NRXN1: variants seen among roughly 807,000 people sequenced by gnomAD.
NRXN1 encodes the protein neurexin-1.
In NRXN1, 39 loss-of-function variants were observed where a neutral mutation model predicts 150.9. The observed-to-expected ratio is 0.26, with a 90% CI of 0.20 to 0.34. The LOEUF is 0.34. Ranked by LOEUF, NRXN1 falls within the 10% of genes least tolerant of loss-of-function variation. The probability of loss-of-function intolerance (pLI) is 1.00; values close to 1 mark genes in which losing one functional copy is unlikely to be tolerated. For missense variants in NRXN1, 1,815 were observed against 1,949.9 expected, an observed-to-expected ratio of 0.93 and a Z score of 1.30; for synonymous variants, 924 against 757.0, an observed-to-expected ratio of 1.22 and a Z score of -3.62.
chr2:50,868,187 A>ATATATATATATG (rs1445257364), intron 5 of NRXN1, among the ~76,000 whole-genome samples: 1 of 90,930 alleles, frequency 1.1e-5, no homozygotes, highest in Non-Finnish European at 2.4e-5. Flanking sequence ...ATATATATAT[A>ATATATATATATG]TGCATACACA....
intron 5 of NRXN1, among the ~76,000 whole-genome samples, chr2:50,714,444 G>A (rs183103209): frequency 6.6e-6 from 1 of 151,940 alleles, no homozygotes; most frequent in Non-Finnish European, 1.5e-5. Flanking sequence ...CCAACATCAG[G>A]GTCACAGCCA....
intron 5 of NRXN1, among the ~76,000 whole-genome samples, chr2:50,807,425 C>A (rs1667649263): frequency 1.3e-5 from 2 of 151,766 alleles, no homozygotes; most frequent in Admixed American, 6.6e-5. Flanking sequence ...TCTTTTTTTA[C>A]AATTTCATTT....
At chr2:50,433,445 C>G (rs950692882) in intron 17 of NRXN1, among the ~76,000 whole-genome samples, 1 of 151,922 alleles carries the variant, frequency 6.6e-6, no homozygotes, top group Admixed American at 6.6e-5. Flanking sequence ...ACATAAAATA[C>G]TATTTGGTAC....
At chr2:50,773,544 T>C (rs1416453252) in intron 5 of NRXN1, among the ~76,000 whole-genome samples, 1 of 152,126 alleles carries the variant, frequency 6.6e-6, no homozygotes, top group Non-Finnish European at 1.5e-5. Flanking sequence ...AGGGAATCAA[T>C]AAGAGCTGAA....
intron 18 of NRXN1, among the ~76,000 whole-genome samples, chr2:50,199,834 G>A (rs79327531): frequency 0.011 from 1,641 of 152,214 alleles, 37 homozygotes; most frequent in African/African-American, 0.038. Context: ...AAGGCTGCAT[G>A]AAATACAATT....
At chr2:50,331,089 G>A (rs2076807832) in intron 17 of NRXN1, among the ~76,000 whole-genome samples, 1 of 152,130 alleles carries the variant, frequency 6.6e-6, no homozygotes, top group African/African-American at 2.4e-5. Context: ...GACCAAGAAA[G>A]AGGCAGTTCA....
At chr2:50,228,455 T>C (rs986185704) in intron 18 of NRXN1, among the ~76,000 whole-genome samples, 6 of 149,272 alleles carry the variant, frequency 4.0e-5, no homozygotes, top group Admixed American at 1.3e-4. Context: ...GAGTGGGTGA[T>C]TGGGAGATGA....
chr2:50,658,043 T>C (rs569219515), intron 5 of NRXN1, among the ~76,000 whole-genome samples: 72 of 152,170 alleles, frequency 4.7e-4, no homozygotes, highest in African/African-American at 1.7e-3. Flanking sequence ...TCAATAAAGA[T>C]ACAAGAATAA....
At chr2:50,717,869 T>C (rs1013709014) in intron 5 of NRXN1, among the ~76,000 whole-genome samples, 4 of 152,130 alleles carry the variant, frequency 2.6e-5, no homozygotes, top group Admixed American at 2.0e-4. Context: ...GACTCTTTTG[T>C]AAGGGAATCA....
intron 1 of NRXN1, among the ~76,000 whole-genome samples, chr2:51,031,250 C>T (rs966603770): frequency 3.3e-5 from 5 of 152,112 alleles, no homozygotes; most frequent in African/African-American, 1.2e-4. Flanking sequence ...CTTACTGCAG[C>T]CAAAAGAAGA....
chr2:50,102,436 T>C (rs577128028), intron 18 of NRXN1, among the ~76,000 whole-genome samples: 1 of 152,036 alleles, frequency 6.6e-6, no homozygotes, highest in Non-Finnish European at 1.5e-5. Context: ...CCATAACACA[T>C]GAAGTTCAGT....
intron 2 of NRXN1, among the ~76,000 whole-genome samples, chr2:50,975,676 G>A (rs1416593772): frequency 1.3e-5 from 2 of 151,970 alleles, no homozygotes; most frequent in African/African-American, 4.8e-5. Context: ...TTCTTTGCTT[G>A]CCCTGCGTCC....
At chr2:50,567,418 G>T (rs988861933) in intron 8 of NRXN1, among the ~76,000 whole-genome samples, 4 of 152,086 alleles carry the variant, frequency 2.6e-5, no homozygotes, top group Non-Finnish European at 5.9e-5. Flanking sequence ...GCCAGAACTT[G>T]GGTGAGGGGT....
At chr2:50,236,687 G>A (rs2065466949) in intron 18 of NRXN1, 102 bp downstream of exon 18, 1 of 989,262 alleles carries the variant, frequency 1.0e-6, no homozygotes, top group Admixed American at 2.0e-5. Context: ...ACAAAGTACT[G>A]GTTTCTGGGG....
At chr2:50,688,064 T>C (rs1379997005) in intron 5 of NRXN1, among the ~76,000 whole-genome samples, 4 of 152,190 alleles carry the variant, frequency 2.6e-5, no homozygotes, top group African/African-American at 4.8e-5. Context: ...TCCTTTATAG[T>C]AGAATGTTGG....
At chr2:49,997,653 C>T (rs1683219275) in intron 21 of NRXN1, among the ~76,000 whole-genome samples, 1 of 152,096 alleles carries the variant, frequency 6.6e-6, no homozygotes. Flanking sequence ...TTATTGTCTC[C>T]TTGCCATGTA....
chr2:50,972,483 A>G (rs1472316112), intron 2 of NRXN1, among the ~76,000 whole-genome samples: 1 of 152,140 alleles, frequency 6.6e-6, no homozygotes, highest in Non-Finnish European at 1.5e-5. Flanking sequence ...AGGAAAATCC[A>G]TAGACTGGGG....
intron 4 of NRXN1, 126 bp downstream of exon 4, chr2:50,922,531 AG>A: frequency 5.6e-6 from 5 of 891,464 alleles, no homozygotes; most frequent in Non-Finnish European, 9.2e-6. Flanking sequence ...TGTGAACAAA[AG>A]ATATGTATTT....
intron 21 of NRXN1, chr2:50,022,758 C>G (rs1351609290): frequency 6.6e-6 from 1 of 152,162 alleles, no homozygotes; most frequent in Admixed American, 6.5e-5. Context: ...TAGTTATACT[C>G]CATAATTTCC....
Sources: gnomAD v4.1 joint callset for allele counts (sites outside exome capture counted in the v4.1 genomes callset) on GRCh38, gnomAD v4.1.1 for gene constraint, MANE v1.5 for transcripts, NCBI Gene and HGNC (gene_info 2026-07-23, HGNC 2026-07-21) for gene names.